Variants in CUX1 observed in about 807,000 individuals in gnomAD.
CUX1 encodes cut like homeobox 1.
A neutral mutation model predicts 158.8 loss-of-function variants in CUX1; 31 were observed. The observed-to-expected ratio is 0.20, with a 90% confidence interval of 0.15 to 0.26. The LOEUF is 0.26. CUX1 is among the 10% of genes least tolerant of loss of function. CUX1 has a pLI of 1.00. For synonymous variants in CUX1, 879 were observed against 862.1 expected (o/e 1.02, Z -0.34); for missense variants, 1,589 against 2,014.6 (o/e 0.79, Z 4.04).
chr7:102,024,568 C>A (rs535132735), intron 2 of CUX1, among the ~76,000 whole-genome samples: 1 of 152,236 alleles, frequency 6.6e-6, no homozygotes, highest in Admixed American at 6.5e-5. Context: ...CTCAGGTGAT[C>A]CACTTGCCTC....
At chr7:102,140,141 G>A (rs1649500887) in intron 8 of CUX1, among the ~76,000 whole-genome samples, 1 of 152,224 alleles carries the variant, frequency 6.6e-6, no homozygotes, top group Non-Finnish European at 1.5e-5. Context: ...AGCTCAGTGG[G>A]GAAGATGACT....
intron 2 of CUX1, among the ~76,000 whole-genome samples, chr7:101,952,445 C>A (rs969247771): frequency 6.6e-6 from 1 of 152,292 alleles, no homozygotes; most frequent in Middle Eastern, 3.4e-3. Flanking sequence ...TCAGAAAATA[C>A]GCGGGCAGGC....
At chr7:101,831,698 A>G (rs537814604) in intron 1 of CUX1, among the ~76,000 whole-genome samples, 41 of 150,786 alleles carry the variant, frequency 2.7e-4, no homozygotes, top group Admixed American at 2.7e-3. Context: ...AGCCCCACAG[A>G]GTCACTTCTG....
intron 21 of CUX1, among the ~76,000 whole-genome samples, chr7:102,229,070 A>G (rs1798662782): frequency 6.6e-6 from 1 of 152,178 alleles, no homozygotes; most frequent in Non-Finnish European, 1.5e-5. Context: ...TTGTTATTTT[A>G]TCATTGCTGT....
At chr7:102,225,611 C>G (rs1554528392) in intron 20 of CUX1, among the ~76,000 whole-genome samples, 1 of 152,168 alleles carries the variant, frequency 6.6e-6, no homozygotes, top group Non-Finnish European at 1.5e-5. Context: ...TGCCTGTAAA[C>G]CCAGCACTTT....
intron 4 of CUX1, among the ~76,000 whole-genome samples, chr7:102,082,514 C>G (rs1249964286): frequency 6.8e-6 from 1 of 147,136 alleles, no homozygotes; most frequent in Non-Finnish European, 1.5e-5. Flanking sequence ...GCGAGACTGT[C>G]TAAAAATAAA....
At chr7:102,111,225 G>T (rs1830848806) in intron 6 of CUX1, among the ~76,000 whole-genome samples, 1 of 152,080 alleles carries the variant, frequency 6.6e-6, no homozygotes, top group African/African-American at 2.4e-5. Flanking sequence ...GTCCCCATTA[G>T]GTATTGCAGT....
chr7:102,076,487 T>TAA (rs1826745364), intron 4 of CUX1, among the ~76,000 whole-genome samples: 1 of 152,212 alleles, frequency 6.6e-6, no homozygotes, highest in Non-Finnish European at 1.5e-5. Context: ...GTTTGGTAGT[T>TAA]CATACCTTGG....
At chr7:102,161,937 G>A (rs1475650407) in intron 9 of CUX1, among the ~76,000 whole-genome samples, 1 of 152,156 alleles carries the variant, frequency 6.6e-6, no homozygotes, top group African/African-American at 2.4e-5. Context: ...GGAAGCCACA[G>A]TATAAGGAAA....
chr7:102,006,063 C>CA (rs1381429993), intron 2 of CUX1, among the ~76,000 whole-genome samples: 1 of 152,194 alleles, frequency 6.6e-6, no homozygotes, highest in African/African-American at 2.4e-5. Flanking sequence ...ATTCTCAGTG[C>CA]AGACCCTAGG....
chr7:102,101,931 A>T (rs1171167984), intron 5 of CUX1, among the ~76,000 whole-genome samples: 1 of 151,038 alleles, frequency 6.6e-6, no homozygotes, highest in Non-Finnish European at 1.5e-5. Context: ...AAAAAAAAAG[A>T]CAAAAATGCT....
chr7:102,178,933 C>T (rs1262676285), intron 11 of CUX1, among the ~76,000 whole-genome samples: 7 of 152,204 alleles, frequency 4.6e-5, no homozygotes, highest in Non-Finnish European at 8.8e-5. Context: ...GGTGCAATCT[C>T]GGCTCACTGC....
chr7:101,980,133 G>A (rs1305547787), intron 2 of CUX1, among the ~76,000 whole-genome samples: 3 of 152,162 alleles, frequency 2.0e-5, no homozygotes, highest in African/African-American at 7.2e-5. Context: ...GTCATTCTGG[G>A]CCAGGGAGGT....
intron 8 of CUX1, among the ~76,000 whole-genome samples, chr7:102,151,351 G>A (rs889676587): frequency 2.0e-5 from 3 of 152,112 alleles, no homozygotes; most frequent in South Asian, 2.1e-4. Context: ...TCAGGAGTTC[G>A]AGACCAGCCT....
intron 3 of CUX1, among the ~76,000 whole-genome samples, chr7:102,036,048 A>C (rs1231938641): frequency 6.6e-6 from 1 of 152,098 alleles, no homozygotes; most frequent in Admixed American, 6.5e-5. Flanking sequence ...CCCTCCCTGC[A>C]GCTGAGGTCC....
rs558003657 is a variant in CUX1, at chr7:101,935,426, C to T, written c.141+19201C>T. Among the ~76,000 whole-genome samples, 7 of 152,292 alleles carry T rather than the reference C, an allele frequency of 4.6e-5. No individual in the cohort carries two copies. The East Asian group carries it at 7.7e-4, about 17-fold the overall frequency. Reference sequence around the variant, plus strand: ...CTGTTTGGTGGTCTTTTCACACGGACGTGAGTGAAAGAGACTGCCATTCAT... The same window carrying T: ...CTGTTTGGTGGTCTTTTCACACGGATGTGAGTGAAAGAGACTGCCATTCAT... On this transcript the variant is annotated intron_variant, in intron 2 of 23. Coordinates refer to ENST00000292535, the MANE Select transcript of CUX1 (RefSeq NM_181552.4).
chr7:102,069,684 G>T (rs370648523), intron 3 of CUX1, among the ~76,000 whole-genome samples: 1 of 152,330 alleles, frequency 6.6e-6, no homozygotes, highest in East Asian at 1.9e-4. Flanking sequence ...GGAGGCAGAG[G>T]TTGCAGTGAG....
chr7:102,086,734 C>T (rs983537600), intron 4 of CUX1, among the ~76,000 whole-genome samples: 1 of 151,604 alleles, frequency 6.6e-6, no homozygotes, highest in African/African-American at 2.4e-5. Context: ...ATGTGGATGG[C>T]GTTTTGAAAT....
rs1281872555 is a variant in CUX1, at chr7:102,158,628, T to C, written c.723+20T>C. 1.2e-6 allele frequency: 2 copies of C among 1,613,428 alleles called. No individual in the cohort carries two copies. Among genetic ancestry groups the C allele is most frequent in the Non-Finnish European group, 1.7e-6 (2 of 1,179,538 alleles). On this transcript the variant is annotated intron_variant, in intron 9 of 23. Transcript: ENST00000292535. ...AACCAGGTAGGACCCTGGACGCTTT[T>C]AGTCCTAAAACCCACAATAGCGGGC...
Sources: allele counts gnomAD v4.1 joint callset (sites outside exome capture counted in the v4.1 genomes callset), GRCh38; gene constraint gnomAD v4.1.1; transcripts MANE v1.5; gene names NCBI Gene and HGNC (gene_info 2026-07-23, HGNC 2026-07-21).